CDH13: variants seen among roughly 807,000 people sequenced by gnomAD.
CDH13 encodes the protein cadherin 13, also known as cadherin-13.
CDH13 carries 24 observed loss-of-function variants against 63.8 expected under a neutral mutation model. The observed-to-expected ratio is 0.38, with a 90% CI of 0.27 to 0.53. CDH13 has a LOEUF of 0.53. Ranked by LOEUF, CDH13 falls within the 20% of genes least tolerant of loss-of-function variation. CDH13 has a pLI of 0.85. For missense variants in CDH13, 1,049 were observed against 903.1 expected, an observed-to-expected ratio of 1.16 and a Z score of -2.07; for synonymous variants, 503 against 355.3, an observed-to-expected ratio of 1.42 and a Z score of -4.67.
intron 2 of CDH13, among the ~76,000 whole-genome samples, chr16:82,863,102 A>G (rs1188772432): frequency 1.3e-5 from 2 of 152,226 alleles, no homozygotes; most frequent in Non-Finnish European, 2.9e-5. Flanking sequence ...ATGCAGGATC[A>G]CAGTCTCTAC....
intron 4 of CDH13, among the ~76,000 whole-genome samples, chr16:83,215,384 AGTTT>A (rs982753863): frequency 1.3e-5 from 2 of 151,924 alleles, no homozygotes; most frequent in African/African-American, 4.8e-5. Context: ...CGGCCCACAT[AGTTT>A]ATTTTTAATT....
At chr16:83,015,723 A>AG (rs1293160001) in intron 2 of CDH13, among the ~76,000 whole-genome samples, 26 of 125,708 alleles carry the variant, frequency 2.1e-4, no homozygotes, top group African/African-American at 7.3e-4. Context: ...ATATATATAT[A>AG]AAGAAAAAGC....
At chr16:83,304,333 G>C (rs1257954528) in intron 5 of CDH13, among the ~76,000 whole-genome samples, 1 of 152,090 alleles carries the variant, frequency 6.6e-6, no homozygotes, top group African/African-American at 2.4e-5. Context: ...GGAATCTTGG[G>C]AAAAAAGACT....
intron 7 of CDH13, among the ~76,000 whole-genome samples, chr16:83,509,362 G>T (rs953727695): frequency 5.3e-5 from 8 of 152,342 alleles, no homozygotes; most frequent in African/African-American, 1.9e-4. Context: ...CTGATCTGCA[G>T]ATTTTACTCT....
chr16:83,545,802 A>G (rs1384600278), intron 7 of CDH13, among the ~76,000 whole-genome samples: 2 of 152,188 alleles, frequency 1.3e-5, no homozygotes, highest in Admixed American at 6.5e-5. Flanking sequence ...TCAAGACCGC[A>G]TTCAAATAAT....
At chr16:82,884,337 G>C in intron 2 of CDH13, 1 of 394,794 alleles carries the variant, frequency 2.5e-6, no homozygotes, top group Non-Finnish European at 4.9e-6. Flanking sequence ...GGGGGTGTTA[G>C]AAGAGAGCTT....
At chr16:83,150,330 C>T (rs553179699) in intron 4 of CDH13, among the ~76,000 whole-genome samples, 4 of 152,272 alleles carry the variant, frequency 2.6e-5, no homozygotes, top group East Asian at 3.9e-4. Context: ...TATGTCTATG[C>T]CTATGCCTAT....
chr16:82,635,235 G>T (rs999766137), intron 1 of CDH13, among the ~76,000 whole-genome samples: 8 of 152,336 alleles, frequency 5.3e-5, no homozygotes, highest in Admixed American at 6.5e-5. Context: ...ATGAACAAAT[G>T]AATGAATGAA....
chr16:83,382,792 C>A (rs1322280504), intron 6 of CDH13, among the ~76,000 whole-genome samples: 1 of 152,184 alleles, frequency 6.6e-6, no homozygotes, highest in African/African-American at 2.4e-5. Flanking sequence ...GGATTCCATC[C>A]AGTTACACCA....
intron 5 of CDH13, among the ~76,000 whole-genome samples, chr16:83,297,156 T>C (rs189935363): frequency 1.3e-5 from 2 of 152,160 alleles, no homozygotes; most frequent in Non-Finnish European, 2.9e-5. Context: ...GCTCTGGTGT[T>C]CTATTGCATA....
intron 10 of CDH13, among the ~76,000 whole-genome samples, chr16:83,688,519 C>A (rs1371248506): frequency 6.6e-6 from 1 of 152,108 alleles, no homozygotes; most frequent in Non-Finnish European, 1.5e-5. Context: ...TAAGAGAAGG[C>A]CTTCATCTTC....
intron 1 of CDH13, chr16:82,727,600 G>C (rs561237558): frequency 6.6e-6 from 1 of 152,270 alleles, no homozygotes; most frequent in South Asian, 2.1e-4. Flanking sequence ...TTAGAACATG[G>C]TGTATTCTTT....
At chr16:82,936,554 G>A (rs1359909871) in intron 2 of CDH13, among the ~76,000 whole-genome samples, 1 of 152,122 alleles carries the variant, frequency 6.6e-6, no homozygotes, top group Non-Finnish European at 1.5e-5. Context: ...GATCTATAGG[G>A]TTTATTAAAA....
chr16:83,011,018 G>A (rs2151436566), intron 2 of CDH13, among the ~76,000 whole-genome samples: 1 of 152,232 alleles, frequency 6.6e-6, no homozygotes, highest in East Asian at 1.9e-4. Context: ...ATTTTAAATG[G>A]CTTACTCACT....
intron 11 of CDH13, among the ~76,000 whole-genome samples, chr16:83,758,209 G>T (rs1287063721): frequency 6.6e-6 from 1 of 152,114 alleles, no homozygotes; most frequent in African/African-American, 2.4e-5. Flanking sequence ...AACAGAAATA[G>T]AAGAAATACT....
intron 7 of CDH13, among the ~76,000 whole-genome samples, chr16:83,514,505 C>A (rs1171411947): frequency 6.6e-6 from 1 of 152,036 alleles, no homozygotes; most frequent in South Asian, 2.1e-4. Flanking sequence ...ATTAGCCGGG[C>A]ATGGTGGTGC....
chr16:83,513,710 C>T (rs2074629871), intron 7 of CDH13, among the ~76,000 whole-genome samples: 1 of 152,102 alleles, frequency 6.6e-6, no homozygotes, highest in South Asian at 2.1e-4. Flanking sequence ...CACCGTGATC[C>T]AATTACCTCT....
chr16:83,147,002 T>A (rs907979725), intron 4 of CDH13, among the ~76,000 whole-genome samples: 3 of 151,960 alleles, frequency 2.0e-5, no homozygotes, highest in African/African-American at 4.8e-5. Flanking sequence ...GCAGGAAAAT[T>A]GCTTGAACTC....
At chr16:83,252,107 T>TACACCCACAC (rs1905622369) in intron 5 of CDH13, among the ~76,000 whole-genome samples, 1 of 135,958 alleles carries the variant, frequency 7.4e-6, no homozygotes, top group Non-Finnish European at 1.5e-5. Flanking sequence ...ATATATATTA[T>TACACCCACAC]ACACACACAC....
Sources: allele counts gnomAD v4.1 joint callset (sites outside exome capture counted in the v4.1 genomes callset), GRCh38; gene constraint gnomAD v4.1.1; transcripts MANE v1.5; gene names NCBI Gene and HGNC (gene_info 2026-07-23, HGNC 2026-07-21).